PARP1: variants seen among roughly 807,000 people sequenced by gnomAD.
PARP1 encodes the protein poly [ADP-ribose] polymerase 1.
Under a neutral mutation model 118.7 loss-of-function variants are expected in PARP1, and 44 were observed. The ratio of observed to expected loss-of-function variants is 0.37; its 90% CI spans 0.29 to 0.48. The LOEUF (loss-of-function observed/expected upper bound fraction) is 0.48, where lower values mean the gene tolerates loss of function less well. Ranked by LOEUF, PARP1 falls within the 20% of genes least tolerant of loss-of-function variation. PARP1 has a pLI of 0.99. For synonymous variants in PARP1, 492 were observed against 483.2 expected (o/e 1.02, Z -0.24); for missense variants, 1,100 against 1,272.4 (o/e 0.86, Z 2.06).
intron 13 of PARP1, among the ~76,000 whole-genome samples, chr1:226,376,761 C>A (rs2102733528): frequency 6.6e-6 from 1 of 152,242 alleles, no homozygotes; most frequent in Non-Finnish European, 1.5e-5. Context: ...TGGGATAAAT[C>A]CCACTTGGGA....
chr1:226,364,181 ACTT>A lies in PARP1; in HGVS notation c.2659-114_2659-112del. On this transcript the variant is annotated intron_variant, in intron 19 of 22. Transcript: ENST00000366794. ...ACCCAGCTAAGTGCTGCAATCCATCACTTCTAATTCTCACAATGCCCATGGTGA... is the reference window on the plus strand; with the variant it reads ...ACCCAGCTAAGTGCTGCAATCCATCACTAATTCTCACAATGCCCATGGTGA... 3.9e-6 allele frequency: 4 copies of A among 1,036,256 alleles called. No individual in the cohort carries two copies. In the South Asian group the frequency reaches 5.1e-5, roughly 13 times the overall value. 64.2% of individuals were successfully genotyped at this position (1,036,256 alleles called of 1,614,324 possible).
At chr1:226,404,869 G>A (rs1166927647) in intron 1 of PARP1, among the ~76,000 whole-genome samples, 1 of 152,158 alleles carries the variant, frequency 6.6e-6, no homozygotes, top group Non-Finnish European at 1.5e-5. Flanking sequence ...AACAGGCCAT[G>A]CTACCTGTCC....
chr1:226,402,267 C>T lies in PARP1; in HGVS notation c.233G>A (p.Arg78Gln), dbSNP rs139202063. The change falls in exon 2 of 23, where the codon CGG (arginine) becomes CAG (glutamine). Residue 78 changes from arginine to glutamine, a missense_variant. Arg to Gln is a conservative substitution (Grantham distance 43). Around this residue, in one of 2 missense-constraint regions of PARP1, gnomAD observed 948 missense variants for 1,031.8 expected, o/e 0.92. Transcript: ENST00000366794. The part of the protein sequence containing the change: ...DVEVDGFSEL[R>Q]WDDQQKVKKT... ...CTTGACTTTCTGCTGGTCATCCCAC[C>T]GAAGCTCAGAGAACCCATCCACCTC... 2.8e-5 allele frequency: 46 copies of T among 1,614,154 alleles called. No homozygotes were observed. Among genetic ancestry groups the T allele is most frequent in the Non-Finnish European group, 3.8e-5 (45 of 1,180,046 alleles).
chr1:226,389,125 G>C lies in PARP1; in HGVS notation c.618-370C>G, dbSNP rs149641143. Reference sequence around the variant, plus strand: ...TCCTGGCCTGGAAGGTTCTAGCCGGGACTAGGCTAGAGGTAAGCCCATGGC... The same window carrying C: ...TCCTGGCCTGGAAGGTTCTAGCCGGCACTAGGCTAGAGGTAAGCCCATGGC... On this transcript the variant is annotated intron_variant, in intron 4 of 22. Transcript: ENST00000366794. Among the ~76,000 whole-genome samples, 342 of 152,244 alleles carry C rather than the reference G, an allele frequency of 2.2e-3. 1 individual carries two copies. Among genetic ancestry groups the C allele is most frequent in the African/African-American group, 7.6e-3 (315 of 41,546 alleles).
At chr1:226,381,833 C>G (rs1045192028) in intron 8 of PARP1, among the ~76,000 whole-genome samples, 1 of 152,194 alleles carries the variant, frequency 6.6e-6, no homozygotes, top group Non-Finnish European at 1.5e-5. Flanking sequence ...ACTGGAGTAG[C>G]TGCAAGGAAA....
chr1:226,392,911 T>C (rs779676764), intron 2 of PARP1: 15 of 1,566,618 alleles, frequency 9.6e-6, no homozygotes, highest in African/African-American at 2.8e-5. Flanking sequence ...GTTGAATGTT[T>C]CTTGCCTAAG....
chr1:226,391,718 G>T (rs1215652546), intron 3 of PARP1, among the ~76,000 whole-genome samples: 1 of 152,204 alleles, frequency 6.6e-6, no homozygotes, highest in South Asian at 2.1e-4. Context: ...AGAGAAGGGT[G>T]AGAAGGCTGC....
rs1359152782 is a variant in PARP1 at position 226,376,170 on chromosome 1, G to A, written c.1941+938C>T. Among the ~76,000 whole-genome samples the A allele has an allele frequency of 3.3e-5, 5 of 151,908 alleles. No individual in the cohort carries two copies. The East Asian group carries it at 9.6e-4, about 29-fold the overall frequency. On this transcript the variant is annotated intron_variant, in intron 13 of 22. Coordinates refer to ENST00000366794, the MANE Select transcript of PARP1 (RefSeq NM_001618.4). ...AGAATTCCCCCTACGAGACATGCTA[G>A]GCCTCAAAGATTTAGAATTAAAATC...
chr1:226,380,478 A>T (rs1471601292), intron 9 of PARP1, among the ~76,000 whole-genome samples: 1 of 152,256 alleles, frequency 6.6e-6, no homozygotes, highest in Admixed American at 6.5e-5. Flanking sequence ...CTGAAGACCT[A>T]CAGTGGTAAT....
chr1:226,402,008 C>A lies in PARP1; in HGVS notation c.286+206G>T, dbSNP rs2666428. On this transcript the variant is annotated intron_variant, in intron 2 of 22. Transcript: ENST00000366794. ...AACTTTAAAGGCTACATTCCAAGCA[C>A]CTGGAAAAACAAAATACCAAATATC... 4.0e-5 allele frequency: 60 copies of A among 1,486,132 alleles called. No homozygotes were observed. The South Asian group carries it at 8.1e-4, about 20-fold the overall frequency. The allele number at this position is 1,486,132 out of a possible 1,614,324, so 92.1% of individuals were successfully genotyped here.
At chr1:226,385,043 C>A (rs1220120517) in intron 7 of PARP1, among the ~76,000 whole-genome samples, 1 of 152,154 alleles carries the variant, frequency 6.6e-6, no homozygotes, top group Non-Finnish European at 1.5e-5. Context: ...GTTGAGAATT[C>A]CATAAGCAGT....
chr1:226,379,031 C>A, intron 12 of PARP1, 111 bp downstream of exon 12: 1 of 1,325,986 alleles, frequency 7.5e-7, no homozygotes, highest in Admixed American at 1.7e-5. Context: ...GATTAGATTT[C>A]ATTCCCCAGG....
At chr1:226,395,849 T>C (rs189864357) in intron 2 of PARP1, among the ~76,000 whole-genome samples, 19 of 152,240 alleles carry the variant, frequency 1.2e-4, no homozygotes, top group Non-Finnish European at 2.2e-4. Flanking sequence ...ACTGTCTAAC[T>C]CCACTTACAT....
chr1:226,361,597 T>C (rs2102724677), intron 22 of PARP1, 56 bp from the exon 23 acceptor site: 3 of 1,225,380 alleles, frequency 2.4e-6, no homozygotes, highest in Non-Finnish European at 3.6e-6. Context: ...TATGTACATG[T>C]GCCTCATCTC....
chr1:226,386,897 G>A (rs189068533), intron 5 of PARP1, among the ~76,000 whole-genome samples: 75 of 152,306 alleles, frequency 4.9e-4, no homozygotes, highest in African/African-American at 1.8e-3. Flanking sequence ...TCAGTATCAT[G>A]CAGGAATGTA....
intron 11 of PARP1, 124 bp downstream of exon 11, chr1:226,379,449 G>A (rs899090830): frequency 1.8e-6 from 2 of 1,130,708 alleles, no homozygotes; most frequent in African/African-American, 3.1e-5. Context: ...AAGGAGGCCT[G>A]AGTGAGGACA....
At chr1:226,400,647 G>A (rs1234945382) in intron 2 of PARP1, among the ~76,000 whole-genome samples, 2 of 152,084 alleles carry the variant, frequency 1.3e-5, no homozygotes, top group African/African-American at 4.8e-5. Context: ...TCACCAACAG[G>A]CCAACTCTTT....
intron 1 of PARP1, among the ~76,000 whole-genome samples, chr1:226,407,285 C>G (rs964772073): frequency 6.6e-6 from 1 of 151,948 alleles, no homozygotes; most frequent in Non-Finnish European, 1.5e-5. Context: ...AGAAATGACA[C>G]CTTTCTGCAT....
At chr1:226,363,250 G>A (rs1664187844) in intron 20 of PARP1, 90 bp from the exon 21 acceptor site, 1 of 907,436 alleles carries the variant, frequency 1.1e-6, no homozygotes, top group Middle Eastern at 2.2e-4. Flanking sequence ...CAGATACAGA[G>A]ATGAGATAAA....
Sources: allele counts gnomAD v4.1 joint callset (sites outside exome capture counted in the v4.1 genomes callset), GRCh38; gene constraint gnomAD v4.1.1; regional missense constraint gnomAD v4.1.1; transcripts MANE v1.5; gene names NCBI Gene and HGNC (gene_info 2026-07-23, HGNC 2026-07-21).